Variants in PDZD2 observed in about 807,000 individuals in gnomAD.
The protein encoded by PDZD2 is PDZ domain containing 2.
Under a neutral mutation model 220.7 loss-of-function variants are expected in PDZD2, and 90 were observed. The ratio of observed to expected loss-of-function variants is 0.41; its 90% CI spans 0.34 to 0.49. The LOEUF (loss-of-function observed/expected upper bound fraction) is 0.49, where lower values mean the gene tolerates loss of function less well. Ranked by LOEUF, PDZD2 falls within the 20% of genes least tolerant of loss-of-function variation. PDZD2 has a pLI of 0.28. For synonymous variants in PDZD2, 1,375 were observed against 1,450.5 expected, an observed-to-expected ratio of 0.95 and a Z score of 1.18; for missense variants, 3,174 against 3,608.5, an observed-to-expected ratio of 0.88 and a Z score of 3.08.
At chr5:32,097,248 T>A in intron 21 of PDZD2, 31 bp from the exon 22 acceptor site, 3 of 1,424,876 alleles carry the variant, frequency 2.1e-6, no homozygotes, top group Non-Finnish European at 3.0e-6. Flanking sequence ...CAGCTGTAGC[T>A]CAAAGGATAA....
At chr5:31,937,661 A>C (rs540087253) in intron 2 of PDZD2, among the ~76,000 whole-genome samples, 1 of 152,260 alleles carries the variant, frequency 6.6e-6, no homozygotes, top group South Asian at 2.1e-4. Flanking sequence ...CTAGCCTTCT[A>C]TGGGAGGAGG....
At chr5:31,869,360 T>G (rs373507286) in intron 2 of PDZD2, among the ~76,000 whole-genome samples, 3 of 152,166 alleles carry the variant, frequency 2.0e-5, no homozygotes, top group South Asian at 2.1e-4. Context: ...TCCATCTCTT[T>G]TTTTCTGCCT....
At chr5:31,882,195 C>T (rs889568845) in intron 2 of PDZD2, among the ~76,000 whole-genome samples, 3 of 152,208 alleles carry the variant, frequency 2.0e-5, no homozygotes, top group Admixed American at 6.5e-5. Flanking sequence ...ATCCTTTCCA[C>T]TGTTATGAAG....
intron 2 of PDZD2, among the ~76,000 whole-genome samples, chr5:31,842,146 T>C (rs1447439920): frequency 6.6e-6 from 1 of 152,220 alleles, no homozygotes; most frequent in Non-Finnish European, 1.5e-5. Flanking sequence ...AGCCTTTTTG[T>C]AGCTTTGAAA....
At chr5:32,093,741 G>A (rs946741773) in intron 21 of PDZD2, among the ~76,000 whole-genome samples, 15 of 152,148 alleles carry the variant, frequency 9.9e-5, no homozygotes, top group Non-Finnish European at 2.2e-4. Context: ...ACTTTGGGAG[G>A]CCAAGGCGGG....
chr5:31,840,818 C>A, intron 2 of PDZD2: 1 of 756,616 alleles, frequency 1.3e-6, no homozygotes, highest in South Asian at 1.4e-5. Flanking sequence ...ACCTGTGGGG[C>A]GTTCCTTTTT....
chr5:31,678,207 C>T (rs1746516450), intron 1 of PDZD2, among the ~76,000 whole-genome samples: 1 of 152,148 alleles, frequency 6.6e-6, no homozygotes, highest in Admixed American at 6.6e-5. Context: ...GTGAGAATAC[C>T]CTGGAGGAAG....
intron 2 of PDZD2, among the ~76,000 whole-genome samples, chr5:31,873,100 A>G (rs1234510708): frequency 6.6e-6 from 1 of 152,156 alleles, no homozygotes; most frequent in Non-Finnish European, 1.5e-5. Context: ...ATGACTACAT[A>G]TGTATATATG....
intron 1 of PDZD2, among the ~76,000 whole-genome samples, chr5:31,694,253 GT>G (rs1747268719): frequency 6.6e-6 from 1 of 151,938 alleles, no homozygotes; most frequent in Non-Finnish European, 1.5e-5. Flanking sequence ...TTAGCCGGGC[GT>G]GGTGGCCAGT....
intron 4 of PDZD2, among the ~76,000 whole-genome samples, chr5:31,996,498 G>A (rs1751649216): frequency 6.6e-6 from 1 of 152,132 alleles, no homozygotes; most frequent in Admixed American, 6.6e-5. Flanking sequence ...CCTGAGATCA[G>A]GAGTTCCAGA....
At position 32,087,875 on chromosome 5, in the gene PDZD2, C is replaced by T. The variant is rs765555166; in HGVS notation, c.4427C>T (p.Pro1476Leu). The T allele has an allele frequency of 1.6e-5, 26 of 1,612,166 alleles. No homozygotes were observed. Among genetic ancestry groups the T allele is most frequent in the African/African-American group, 1.5e-4 (11 of 74,888 alleles). The change falls in exon 20 of 25, where the codon CCG becomes CTG. Residue 1476 changes from proline to leucine, a missense_variant. Coordinates refer to ENST00000438447, the MANE Select transcript of PDZD2 (RefSeq NM_178140.4). This position sits in a 1 kb window ranked among gnomAD's most constrained non-coding sequence, Gnocchi z 4.0. ...GGSSCRAEPV[P>L]GGQTSSPRRA... is the part of the protein sequence containing the mutation. The stretch of plus-strand genomic sequence containing the variant: ...AGCTCCTGCCGTGCCGAACCAGTCC[C>T]GGGGGGCCAGACCTCCTCCCCGAGG...
chr5:31,763,717 C>A (rs1177656438), intron 1 of PDZD2, among the ~76,000 whole-genome samples: 3 of 151,936 alleles, frequency 2.0e-5, no homozygotes, highest in African/African-American at 7.3e-5. Context: ...AATCCAGAAA[C>A]CAGAGGCTCC....
intron 2 of PDZD2, among the ~76,000 whole-genome samples, chr5:31,889,361 C>A (rs1581002500): frequency 6.6e-6 from 1 of 152,096 alleles, no homozygotes; most frequent in African/African-American, 2.4e-5. Context: ...TAACACTTGG[C>A]CAGGGGAGGA....
intron 18 of PDZD2, among the ~76,000 whole-genome samples, chr5:32,075,512 T>G (rs921540711): frequency 4.6e-5 from 7 of 152,210 alleles, no homozygotes; most frequent in Non-Finnish European, 1.0e-4. Context: ...TGGTATCATA[T>G]GGAATAACAG....
rs186904150 is a variant in PDZD2, at chr5:31,716,802, C to T, written c.-361+77365C>T. ...TGGGTGACAGAGGGTGACTCAGTCT[C>T]GGAAAAATATAAAAAATAGAATTGG... On this transcript the variant is annotated intron_variant, in intron 1 of 24. Transcript: ENST00000438447. Among the ~76,000 whole-genome samples, 30 of 152,138 alleles carry T rather than the reference C, an allele frequency of 2.0e-4. No individual in the cohort carries two copies. The East Asian group carries it at 2.9e-3, about 15-fold the overall frequency.
chr5:31,716,573 CG>C (rs1748458291), intron 1 of PDZD2, among the ~76,000 whole-genome samples: 1 of 151,536 alleles, frequency 6.6e-6, no homozygotes, highest in Non-Finnish European at 1.5e-5. Flanking sequence ...GAGGCCAAGG[CG>C]GGCTGATCAC....
intron 1 of PDZD2, among the ~76,000 whole-genome samples, chr5:31,746,514 G>A (rs897438035): frequency 2.6e-5 from 4 of 152,062 alleles, no homozygotes; most frequent in African/African-American, 7.2e-5. Flanking sequence ...TTAAATCATC[G>A]CCCTGGCAAA....
At chr5:31,964,784 C>G (rs574360328) in intron 2 of PDZD2, among the ~76,000 whole-genome samples, 2 of 152,318 alleles carry the variant, frequency 1.3e-5, no homozygotes, top group South Asian at 2.1e-4. Flanking sequence ...GGCGCGATCT[C>G]GGCTCACTGC....
rs73061723 is a variant in PDZD2 at position 32,100,481 on chromosome 5, C to T, written c.8219-624C>T. The T allele has an allele frequency of 4.8e-3, 1,267 of 264,622 alleles. 18 individuals are homozygous for T. The highest frequency in any genetic ancestry group is 0.027 in the African/African-American group (1,193 of 44,822). 16.4% of individuals were successfully genotyped at this position (264,622 alleles called of 1,614,324 possible). A position where few individuals can be genotyped will look rare whatever the true frequency, so the allele number is the denominator to read the frequency against. ...CGGCATCACCATGGAAACACATTTC[C>T]TCACAGTGGAGCAAGATGCCAGTAG... On this transcript the variant is annotated intron_variant, in intron 23 of 24. Transcript: ENST00000438447.
Sources: gnomAD v4.1 joint callset for allele counts (sites outside exome capture counted in the v4.1 genomes callset) on GRCh38, gnomAD v4.1.1 for gene constraint, Gnocchi (gnomAD v3.1) non-coding constraint, MANE v1.5 for transcripts, NCBI Gene and HGNC (gene_info 2026-07-23, HGNC 2026-07-21) for gene names.